The following LRBA variants were observed in gnomAD, a reference collection of about 807,000 sequenced individuals.
LRBA encodes lipopolysaccharide-responsive and beige-like anchor protein.
LRBA carries 176 observed loss-of-function variants against 330.0 expected under a neutral mutation model. The ratio of observed to expected loss-of-function variants is 0.53; its 90% CI spans 0.47 to 0.60. The LOEUF is 0.60. Ranked by LOEUF, LRBA falls within the 20% of genes least tolerant of loss-of-function variation. LRBA has a pLI of 0.00. For synonymous variants in LRBA, 1,230 were observed against 1,193.0 expected, an observed-to-expected ratio of 1.03 and a Z score of -0.64; for missense variants, 3,259 against 3,444.8, an observed-to-expected ratio of 0.95 and a Z score of 1.35.
At chr4:150,472,653 A>G (rs899762734) in intron 42 of LRBA, among the ~76,000 whole-genome samples, 6 of 152,118 alleles carry the variant, frequency 3.9e-5, no homozygotes, top group African/African-American at 1.4e-4. Flanking sequence ...CTTCATTCCT[A>G]TCCCCACCTA....
At chr4:150,593,266 T>G (rs542788838) in intron 38 of LRBA, among the ~76,000 whole-genome samples, 60 of 152,288 alleles carry the variant, frequency 3.9e-4, no homozygotes, top group African/African-American at 1.2e-3. Flanking sequence ...AATTCCTTCT[T>G]CAAAGCAGAA....
chr4:150,950,088 A>C (rs1460640830), intron 2 of LRBA, among the ~76,000 whole-genome samples: 1 of 152,142 alleles, frequency 6.6e-6, no homozygotes, highest in South Asian at 2.1e-4. Flanking sequence ...AGGCTAATAA[A>C]TCATCTAAAC....
chr4:150,457,809 C>A (rs1289007996), intron 44 of LRBA, among the ~76,000 whole-genome samples: 1 of 151,778 alleles, frequency 6.6e-6, no homozygotes, highest in Non-Finnish European at 1.5e-5. Context: ...ACACCCAGCA[C>A]CAAACAAATA....
At chr4:150,641,638 T>G (rs1430012198) in intron 37 of LRBA, among the ~76,000 whole-genome samples, 1 of 152,170 alleles carries the variant, frequency 6.6e-6, no homozygotes, top group Non-Finnish European at 1.5e-5. Flanking sequence ...CTTCAATGTT[T>G]AAGTTCAAGT....
chr4:150,460,346 AAG>A (rs919988396), intron 44 of LRBA, among the ~76,000 whole-genome samples: 3 of 151,834 alleles, frequency 2.0e-5, no homozygotes, highest in Non-Finnish European at 4.4e-5. Flanking sequence ...CTTTTCCTGA[AAG>A]AGAGAGCGAG....
intron 41 of LRBA, among the ~76,000 whole-genome samples, chr4:150,489,403 T>C (rs189394425): frequency 0.12 from 3,127 of 25,260 alleles, 729 homozygotes; most frequent in Non-Finnish European, 0.16. Flanking sequence ...AAATATATTA[T>C]ATATAAGAAT....
chr4:150,286,415 C>T (rs1748135521), intron 53 of LRBA, among the ~76,000 whole-genome samples: 1 of 152,172 alleles, frequency 6.6e-6, no homozygotes, highest in African/African-American at 2.4e-5. Context: ...CCCCTCCTTC[C>T]TCCTTCCTCA....
At chr4:150,832,313 C>T (rs373485987) in intron 28 of LRBA, among the ~76,000 whole-genome samples, 16 of 151,962 alleles carry the variant, frequency 1.1e-4, no homozygotes, top group African/African-American at 3.6e-4. Flanking sequence ...TATATGAAAA[C>T]AGGTCAGATG....
At chr4:150,927,609 G>A (rs1244961859) in intron 4 of LRBA, among the ~76,000 whole-genome samples, 3 of 151,994 alleles carry the variant, frequency 2.0e-5, no homozygotes, top group Non-Finnish European at 1.5e-5. Context: ...ACAGGAAGCG[G>A]GGACAAGAAG....
chr4:150,905,694 A>C (rs1731250446), intron 13 of LRBA, 144 bp downstream of exon 13: 7 of 643,734 alleles, frequency 1.1e-5, no homozygotes, highest in Non-Finnish European at 1.5e-5. Context: ...AAGAGTAAAA[A>C]AGGATGCTTA....
At chr4:150,946,535 G>C (rs1736264771) in intron 2 of LRBA, among the ~76,000 whole-genome samples, 1 of 151,898 alleles carries the variant, frequency 6.6e-6, no homozygotes, top group Non-Finnish European at 1.5e-5. Context: ...TGTCAAAAGA[G>C]GAAGTCTCAA....
At chr4:150,783,752 G>A (rs1267075186) in intron 34 of LRBA, among the ~76,000 whole-genome samples, 1 of 152,154 alleles carries the variant, frequency 6.6e-6, no homozygotes, top group African/African-American at 2.4e-5. Context: ...TGGGGTTTCT[G>A]GTTAACTACC....
At chr4:150,778,805 A>C (rs1016790852) in intron 34 of LRBA, among the ~76,000 whole-genome samples, 1 of 152,198 alleles carries the variant, frequency 6.6e-6, no homozygotes, top group Admixed American at 6.5e-5. Context: ...TTCTTCAGAC[A>C]TATGGCAATT....
At chr4:150,634,939 G>A (rs1486564722) in intron 37 of LRBA, among the ~76,000 whole-genome samples, 2 of 152,222 alleles carry the variant, frequency 1.3e-5, no homozygotes, top group Non-Finnish European at 2.9e-5. Flanking sequence ...GAGAAAGAAT[G>A]TGTAGGACAA....
intron 37 of LRBA, among the ~76,000 whole-genome samples, chr4:150,619,919 G>C (rs1455527602): frequency 1.3e-5 from 2 of 152,090 alleles, no homozygotes; most frequent in Non-Finnish European, 2.9e-5. Flanking sequence ...TCTTACAGGA[G>C]CCTCAGTTTT....
chr4:150,892,450 T>TCG (rs1300591155), intron 17 of LRBA, among the ~76,000 whole-genome samples: 1 of 152,170 alleles, frequency 6.6e-6, no homozygotes, highest in Non-Finnish European at 1.5e-5. Flanking sequence ...ACTCATGCTC[T>TCG]CTTTCTCTCT....
intron 44 of LRBA, among the ~76,000 whole-genome samples, chr4:150,448,822 AG>A (rs56679836): frequency 0.062 from 2,392 of 38,518 alleles, 58 homozygotes; most frequent in East Asian, 0.17. Context: ...AAAAAAAAAA[AG>A]GGGGGGGGGG....
At chr4:150,923,153 A>G (rs1008766654) in intron 4 of LRBA, among the ~76,000 whole-genome samples, 2 of 151,058 alleles carry the variant, frequency 1.3e-5, no homozygotes, top group African/African-American at 4.8e-5. Context: ...GAGTATACTG[A>G]ATGCATATCA....
At chr4:150,677,169 G>A (rs973626911) in intron 37 of LRBA, among the ~76,000 whole-genome samples, 3 of 151,912 alleles carry the variant, frequency 2.0e-5, no homozygotes, top group Admixed American at 1.3e-4. Flanking sequence ...ACATACTGTA[G>A]GTTCAGTACT....
Sources: allele counts gnomAD v4.1 joint callset (sites outside exome capture counted in the v4.1 genomes callset), GRCh38; gene constraint gnomAD v4.1.1; transcripts MANE v1.5; gene names NCBI Gene and HGNC (gene_info 2026-07-23, HGNC 2026-07-21).